CSMD3: variants seen among roughly 807,000 people sequenced by gnomAD.
CSMD3 encodes the protein CUB and Sushi multiple domains 3.
A neutral mutation model predicts 435.2 loss-of-function variants in CSMD3; 177 were observed. The observed-to-expected ratio is 0.41, with a 90% CI of 0.36 to 0.46. CSMD3 has a LOEUF of 0.46. CSMD3 is among the 20% of genes least tolerant of loss of function. The probability of loss-of-function intolerance (pLI) is 0.34; values close to 1 mark genes in which losing one functional copy is unlikely to be tolerated. For synonymous variants in CSMD3, 1,656 were observed against 1,520.5 expected (o/e 1.09, Z -2.07); for missense variants, 4,265 against 4,504.6 (o/e 0.95, Z 1.52).
chr8:113,348,547 T>C (rs562585584), intron 1 of CSMD3, among the ~76,000 whole-genome samples: 2 of 152,116 alleles, frequency 1.3e-5, no homozygotes, highest in Non-Finnish European at 2.9e-5. Context: ...TGCAAAAAGA[T>C]GTATTGATTA....
chr8:113,225,589 T>C (rs775236842), intron 3 of CSMD3, among the ~76,000 whole-genome samples: 14 of 151,510 alleles, frequency 9.2e-5, no homozygotes, highest in Non-Finnish European at 1.8e-4. Flanking sequence ...TCTTTACTTA[T>C]TGGTACACTG....
At chr8:112,568,089 G>C (rs2131278094) in intron 24 of CSMD3, among the ~76,000 whole-genome samples, 1 of 152,254 alleles carries the variant, frequency 6.6e-6, no homozygotes, top group Non-Finnish European at 1.5e-5. Context: ...GGATGGAAGA[G>C]CAGTGAAATC....
At chr8:112,304,187 T>C (rs1396822000) in intron 52 of CSMD3, among the ~76,000 whole-genome samples, 7 of 152,170 alleles carry the variant, frequency 4.6e-5, no homozygotes, top group Non-Finnish European at 1.0e-4. Context: ...TTGCAGTAAC[T>C]CTACATGACA....
chr8:112,339,350 T>A (rs1223869888), intron 42 of CSMD3, among the ~76,000 whole-genome samples: 1 of 152,036 alleles, frequency 6.6e-6, no homozygotes, highest in Non-Finnish European at 1.5e-5. Context: ...TCAGACTGAT[T>A]GCGGGCTACC....
At chr8:113,201,208 G>A (rs188031881) in intron 3 of CSMD3, among the ~76,000 whole-genome samples, 1 of 152,024 alleles carries the variant, frequency 6.6e-6, no homozygotes, top group African/African-American at 2.4e-5. Context: ...TCAAAGCTGG[G>A]TTTTGCAGAT....
chr8:112,960,235 C>A (rs2130859589), intron 7 of CSMD3, among the ~76,000 whole-genome samples: 1 of 150,774 alleles, frequency 6.6e-6, no homozygotes, highest in African/African-American at 2.4e-5. Flanking sequence ...CTTTTCAGAA[C>A]ATACTTATCA....
At chr8:112,450,850 T>A (rs981463685) in intron 32 of CSMD3, among the ~76,000 whole-genome samples, 3 of 152,218 alleles carry the variant, frequency 2.0e-5, no homozygotes, top group African/African-American at 7.2e-5. Flanking sequence ...CTTTAAAATA[T>A]GTATCAAGAA....
At position 113,362,770 on chromosome 8, in the gene CSMD3, T is replaced by C. The variant is rs550791633; in HGVS notation, c.179-47977A>G. Among the ~76,000 whole-genome samples the C allele has an allele frequency of 2.0e-5, 3 of 152,312 alleles. No individual in the cohort carries two copies. The East Asian group carries it at 5.8e-4, about 29-fold the overall frequency. ...TTGAAGGAGAAAAGCAGTAACTTAATCCAGTGTGTTTAGAAGAAGAAACTG... is the reference window on the plus strand; with the variant it reads ...TTGAAGGAGAAAAGCAGTAACTTAACCCAGTGTGTTTAGAAGAAGAAACTG... On this transcript the variant is annotated intron_variant, in intron 1 of 70. Coordinates refer to ENST00000297405, the MANE Select transcript of CSMD3 (RefSeq NM_198123.2).
chr8:113,406,206 T>C (rs1380480983), intron 1 of CSMD3, among the ~76,000 whole-genome samples: 2 of 151,918 alleles, frequency 1.3e-5, no homozygotes, highest in Non-Finnish European at 2.9e-5. Context: ...TCTACCATTA[T>C]AAAGAATTGT....
rs1261985514 is a variant in CSMD3 at position 112,301,916 on chromosome 8, T to C, written c.8317A>G (p.Thr2773Ala). The part of the protein sequence containing the change: ...PTPPNGNKIG[T>A]QTSYGSTAIF... The stretch of plus-strand genomic sequence containing the variant: ...GCTGTTGAGCCATATGAAGTTTGAG[T>C]TCCAATCTTATTTCCATTTGGAGGT... The change falls in exon 53 of 71, where the codon ACT (threonine) becomes GCT (alanine). Residue 2773 changes from threonine (T) to alanine (A), a missense_variant. Physicochemically the swap from Thr to Ala is moderately conservative, Grantham distance 58. Around this residue, in one of 3 missense-constraint regions of CSMD3, gnomAD observed 3,255 missense variants for 3,380.2 expected, o/e 0.96. Transcript: ENST00000297405. 6.2e-7 allele frequency: 1 copy of C among 1,612,700 alleles called. No homozygotes were observed. Among genetic ancestry groups the C allele is most frequent in the Non-Finnish European group, 8.5e-7 (1 of 1,178,918 alleles).
intron 29 of CSMD3, among the ~76,000 whole-genome samples, chr8:112,504,318 C>T (rs1371875015): frequency 6.6e-6 from 1 of 151,968 alleles, no homozygotes; most frequent in Non-Finnish European, 1.5e-5. Context: ...CTTGTTTCTG[C>T]CCTTATTAGT....
intron 1 of CSMD3, among the ~76,000 whole-genome samples, chr8:113,424,690 T>C (rs2094626094): frequency 6.6e-6 from 1 of 151,490 alleles, no homozygotes; most frequent in Non-Finnish European, 1.5e-5. Context: ...TAATACTGGA[T>C]AAACTAGTTA....
At chr8:112,434,962 C>T (rs1814157969) in intron 32 of CSMD3, among the ~76,000 whole-genome samples, 1 of 151,964 alleles carries the variant, frequency 6.6e-6, no homozygotes, top group African/African-American at 2.4e-5. Flanking sequence ...ATCTTCAGTC[C>T]ATGGTACATC....
intron 2 of CSMD3, among the ~76,000 whole-genome samples, chr8:113,303,492 T>G (rs1490294442): frequency 6.6e-6 from 1 of 151,786 alleles, no homozygotes; most frequent in Admixed American, 6.6e-5. Flanking sequence ...GGAGGCATCA[T>G]GCTACCTGAC....
At chr8:112,552,315 G>A (rs924791693) in intron 26 of CSMD3, among the ~76,000 whole-genome samples, 7 of 151,666 alleles carry the variant, frequency 4.6e-5, no homozygotes, top group South Asian at 2.1e-4. Flanking sequence ...GTGAGACCTC[G>A]TTTCTACAAA....
chr8:112,329,184 G>C (rs1237972482), intron 45 of CSMD3, among the ~76,000 whole-genome samples: 3 of 152,076 alleles, frequency 2.0e-5, no homozygotes, highest in Admixed American at 6.6e-5. Context: ...ACATTGTTGA[G>C]TTCCCTGGCA....
At chr8:112,413,143 T>A (rs566783275) in intron 32 of CSMD3, among the ~76,000 whole-genome samples, 1 of 152,290 alleles carries the variant, frequency 6.6e-6, no homozygotes, top group Admixed American at 6.5e-5. Context: ...CTAATTTATA[T>A]CACATTGCTA....
At chr8:113,155,688 A>C (rs887386051) in intron 4 of CSMD3, among the ~76,000 whole-genome samples, 2 of 152,100 alleles carry the variant, frequency 1.3e-5, no homozygotes, top group Admixed American at 6.6e-5. Context: ...AGAACATTAT[A>C]ATTTTAGATA....
chr8:112,318,051 A>G (rs553572939), intron 47 of CSMD3, among the ~76,000 whole-genome samples: 16 of 152,086 alleles, frequency 1.1e-4, no homozygotes, highest in Non-Finnish European at 1.5e-5. Context: ...AGCTTAGCAC[A>G]TCATTCAAGG....
Sources: allele counts gnomAD v4.1 joint callset (sites outside exome capture counted in the v4.1 genomes callset), GRCh38; gene constraint gnomAD v4.1.1; regional missense constraint gnomAD v4.1.1; transcripts MANE v1.5; gene names NCBI Gene and HGNC (gene_info 2026-07-23, HGNC 2026-07-21).